Variants in CNTNAP2 observed in about 807,000 individuals in gnomAD.
The protein encoded by CNTNAP2 is contactin-associated protein-like 2.
CNTNAP2 carries 98 observed loss-of-function variants against 155.2 expected under a neutral mutation model. The ratio of observed to expected loss-of-function variants is 0.63; its 90% CI spans 0.54 to 0.75. CNTNAP2 has a LOEUF of 0.75. Ranked by LOEUF, CNTNAP2 falls within the 30% of genes least tolerant of loss-of-function variation. The pLI, the probability that CNTNAP2 is intolerant of heterozygous loss-of-function variation, is 0.00. For missense variants in CNTNAP2, 1,727 were observed against 1,688.1 expected, an observed-to-expected ratio of 1.02 and a Z score of -0.40; for synonymous variants, 651 against 631.2, an observed-to-expected ratio of 1.03 and a Z score of -0.47.
chr7:148,129,843 G>T (rs759793307), intron 16 of CNTNAP2, among the ~76,000 whole-genome samples: 1 of 152,366 alleles, frequency 6.6e-6, no homozygotes, highest in Admixed American at 6.5e-5. Flanking sequence ...CCCAACCTAA[G>T]TGAACTCACA....
intron 8 of CNTNAP2, among the ~76,000 whole-genome samples, chr7:147,292,758 A>G (rs1449336724): frequency 1.4e-5 from 2 of 142,398 alleles, no homozygotes; most frequent in African/African-American, 5.4e-5. Flanking sequence ...AAATAAATGA[A>G]GTGGTCATTT....
intron 2 of CNTNAP2, among the ~76,000 whole-genome samples, chr7:146,790,775 T>C (rs184938609): frequency 1.5e-3 from 232 of 152,020 alleles, no homozygotes; most frequent in Middle Eastern, 6.8e-3. Context: ...TTCACCGTGT[T>C]AGCCAGGATG....
chr7:146,969,379 T>TG (rs1797732606), intron 3 of CNTNAP2, among the ~76,000 whole-genome samples: 1 of 152,080 alleles, frequency 6.6e-6, no homozygotes, highest in Non-Finnish European at 1.5e-5. Context: ...TAACTTTCTG[T>TG]CTTGTTGATC....
intron 20 of CNTNAP2, among the ~76,000 whole-genome samples, chr7:148,265,625 G>A (rs1417426063): frequency 6.6e-6 from 1 of 152,124 alleles, no homozygotes; most frequent in Non-Finnish European, 1.5e-5. Context: ...CAAAATGATA[G>A]CCAAGCATGC....
At chr7:146,904,770 C>T (rs62481458) in intron 3 of CNTNAP2, among the ~76,000 whole-genome samples, 3,338 of 152,246 alleles carry the variant, frequency 0.022, 54 homozygotes, top group Non-Finnish European at 0.033. Context: ...CGCGTCCGGC[C>T]GAGAATTCAT....
chr7:146,514,976 G>A (rs1412595596), intron 1 of CNTNAP2, among the ~76,000 whole-genome samples: 2 of 151,920 alleles, frequency 1.3e-5, no homozygotes, highest in African/African-American at 4.8e-5. Flanking sequence ...CAAAAGCTTG[G>A]GGTGCTGCTT....
chr7:147,660,261 A>G (rs534754813), intron 13 of CNTNAP2, among the ~76,000 whole-genome samples: 1 of 152,178 alleles, frequency 6.6e-6, no homozygotes, highest in Non-Finnish European at 1.5e-5. Flanking sequence ...TTTTCCTTTC[A>G]ATGTAGAACC....
chr7:146,397,207 C>T (rs542457131), intron 1 of CNTNAP2, among the ~76,000 whole-genome samples: 1 of 152,300 alleles, frequency 6.6e-6, no homozygotes, highest in African/African-American at 2.4e-5. Context: ...TCTTGATTGA[C>T]ATGTCTACTT....
intron 1 of CNTNAP2, among the ~76,000 whole-genome samples, chr7:146,273,338 A>G (rs891735428): frequency 5.9e-5 from 9 of 152,188 alleles, no homozygotes; most frequent in Non-Finnish European, 1.2e-4. Context: ...CAAGTGTAAT[A>G]TAAAAATGTA....
intron 1 of CNTNAP2, among the ~76,000 whole-genome samples, chr7:146,418,742 T>C (rs1303013286): frequency 1.3e-5 from 2 of 152,132 alleles, no homozygotes; most frequent in African/African-American, 2.4e-5. Context: ...ATGATTTGAA[T>C]TGTGTCCTCC....
intron 1 of CNTNAP2, among the ~76,000 whole-genome samples, chr7:146,140,080 C>T (rs532859497): frequency 6.6e-6 from 1 of 152,226 alleles, no homozygotes; most frequent in East Asian, 1.9e-4. Context: ...GTCCCTCCCA[C>T]CCTTTCATTT....
chr7:146,920,875 G>A lies in CNTNAP2; in HGVS notation c.402+80971G>A, dbSNP rs578173137. ...AGTGACATAAATGCCAGCTGCTGCAGCTCAGAGCAAAGAAAACAGATAATA... is the reference window on the plus strand; with the variant it reads ...AGTGACATAAATGCCAGCTGCTGCAACTCAGAGCAAAGAAAACAGATAATA... On this transcript the variant is annotated intron_variant, in intron 3 of 23. Coordinates refer to ENST00000361727, the MANE Select transcript of CNTNAP2 (RefSeq NM_014141.6). Among the ~76,000 whole-genome samples, 32 of 152,218 alleles carry A rather than the reference G, an allele frequency of 2.1e-4. No individual in the cohort carries two copies. The South Asian group carries it at 6.6e-3, about 32-fold the overall frequency.
chr7:146,678,430 T>A (rs1463650661), intron 1 of CNTNAP2, among the ~76,000 whole-genome samples: 1 of 152,100 alleles, frequency 6.6e-6, no homozygotes, highest in East Asian at 1.9e-4. Flanking sequence ...ATGCAGTCTT[T>A]TAAAGCAAAA....
In CNTNAP2 at chr7:147,296,489, C is replaced by G. The variant is rs535734595; in HGVS notation, c.1349-3652C>G. Among the ~76,000 whole-genome samples the G allele has an allele frequency of 4.6e-5, 7 of 152,218 alleles. No homozygotes were observed. In the East Asian group the frequency reaches 1.4e-3, roughly 29 times the overall value. On this transcript the variant is annotated intron_variant, in intron 8 of 23. Transcript: ENST00000361727. ...TACAAGAGATTGTATCTGTGTTGTT[C>G]TTCAGAATATTTGAAAGATAAGAAA...
intron 3 of CNTNAP2, among the ~76,000 whole-genome samples, chr7:146,902,157 T>C (rs1796017409): frequency 6.6e-6 from 1 of 152,110 alleles, no homozygotes; most frequent in South Asian, 2.1e-4. Flanking sequence ...GTGCTGGGAT[T>C]ACAGGCGTGA....
chr7:147,192,389 C>T (rs751123909), intron 8 of CNTNAP2, among the ~76,000 whole-genome samples: 1 of 152,132 alleles, frequency 6.6e-6, no homozygotes, highest in Non-Finnish European at 1.5e-5. Flanking sequence ...AAGGACTATA[C>T]CCTCTTTCTC....
At chr7:146,140,860 G>C (rs140906382) in intron 1 of CNTNAP2, among the ~76,000 whole-genome samples, 1 of 152,074 alleles carries the variant, frequency 6.6e-6, no homozygotes, top group African/African-American at 2.4e-5. Flanking sequence ...TATTATGAAG[G>C]GGGTGGTGGC....
rs768373767 is a variant in CNTNAP2 at position 147,801,839 on chromosome 7, C to T, written c.2099-101726C>T. On this transcript the variant is annotated intron_variant, in intron 13 of 23. Coordinates refer to ENST00000361727, the MANE Select transcript of CNTNAP2 (RefSeq NM_014141.6). ...GGCCTGTTCTCAATGACCTGCTGGG[C>T]ACACCTCCCAGACGGGGGGGGCGGC... Among the ~76,000 whole-genome samples the T allele has an allele frequency of 3.5e-3, 511 of 145,312 alleles. 4 individuals are homozygous for T. Among genetic ancestry groups the T allele is most frequent in the Admixed American group, 4.9e-3 (71 of 14,454 alleles).
At chr7:147,167,636 T>C (rs1802140741) in intron 8 of CNTNAP2, 1 of 538,812 alleles carries the variant, frequency 1.9e-6, no homozygotes, top group Non-Finnish European at 3.2e-6. Context: ...TGTCCTGTGA[T>C]ATCAGCGGAG....
Sources: gnomAD v4.1 joint callset for allele counts (sites outside exome capture counted in the v4.1 genomes callset) on GRCh38, gnomAD v4.1.1 for gene constraint, MANE v1.5 for transcripts, NCBI Gene and HGNC (gene_info 2026-07-23, HGNC 2026-07-21) for gene names.